CPLX4: variants seen among roughly 807,000 people sequenced by gnomAD.
CPLX4 encodes complexin 4.
A neutral mutation model predicts 16.1 loss-of-function variants in CPLX4; 17 were observed. The ratio of observed to expected loss-of-function variants is 1.06; its 90% confidence interval spans 0.72 to 1.59. The LOEUF (loss-of-function observed/expected upper bound fraction) is 1.59, where lower values mean the gene tolerates loss of function less well. Among genes scored for constraint, CPLX4 ranks in the 40% most tolerant of loss-of-function variants. The pLI is 0.00. For synonymous variants in CPLX4, 55 were observed against 57.8 expected, an observed-to-expected ratio of 0.95 and a Z score of 0.22; for missense variants, 193 against 192.9, an observed-to-expected ratio of 1.00 and a Z score of 0.00.
rs1259015608 is a variant in CPLX4, at chr18:59,309,089, G to A, written c.255+3596C>T. 5.3e-5 allele frequency among the ~76,000 whole-genome samples: 8 copies of A among 152,218 alleles called. No homozygotes were observed. In the East Asian group the frequency reaches 1.5e-3, roughly 29 times the overall value. ...TGCTCCTTGCAGAGCAGGGCAGTCT[G>A]CCCAGAGTAGCCGATTTTTCTTATC... On this transcript the variant is annotated intron_variant, in intron 2 of 2. Coordinates refer to ENST00000299721, the MANE Select transcript of CPLX4 (RefSeq NM_181654.4).
At position 59,299,824 on chromosome 18, in the gene CPLX4, G is replaced by A. The variant is rs2070527840; in HGVS notation, c.256-2899C>T. On this transcript the variant is annotated intron_variant, in intron 2 of 2. Transcript: ENST00000299721. ...CATCTTTTGGGACTTTGCTAGAGAT[G>A]CACGTGCTGGGACCCTACTCAGACC... 3.3e-5 allele frequency among the ~76,000 whole-genome samples: 5 copies of A among 152,208 alleles called. 1 individual carries two copies. The South Asian group carries it at 1.0e-3, about 32-fold the overall frequency.
At chr18:59,305,632 G>C (rs2070571631) in intron 2 of CPLX4, among the ~76,000 whole-genome samples, 1 of 152,200 alleles carries the variant, frequency 6.6e-6, no homozygotes, top group South Asian at 2.1e-4. Flanking sequence ...CAGGTTTATG[G>C]GGAGAATGAG....
At chr18:59,297,889 T>C (rs1366123138) in intron 2 of CPLX4, among the ~76,000 whole-genome samples, 1 of 152,194 alleles carries the variant, frequency 6.6e-6, no homozygotes, top group Non-Finnish European at 1.5e-5. Context: ...CTTTCCACCG[T>C]TAGCACCTGG....
intron 1 of CPLX4, among the ~76,000 whole-genome samples, chr18:59,316,257 G>A (rs1397233862): frequency 4.6e-5 from 7 of 150,952 alleles, no homozygotes; most frequent in Non-Finnish European, 7.4e-5. Context: ...TGGTGCGTGC[G>A]CACACACACA....
At chr18:59,298,122 C>T (rs1202409439) in intron 2 of CPLX4, among the ~76,000 whole-genome samples, 2 of 151,000 alleles carry the variant, frequency 1.3e-5, no homozygotes, top group African/African-American at 4.9e-5. Context: ...CAGGGTCTCT[C>T]TCTTTCACCG....
At chr18:59,310,305 T>C (rs2070608394) in intron 2 of CPLX4, among the ~76,000 whole-genome samples, 1 of 152,180 alleles carries the variant, frequency 6.6e-6, no homozygotes, top group Non-Finnish European at 1.5e-5. Context: ...CCTGGATTTG[T>C]GCATTTCATG....
intron 2 of CPLX4, among the ~76,000 whole-genome samples, chr18:59,308,509 T>TC (rs1215133520): frequency 4.0e-5 from 6 of 149,390 alleles, no homozygotes; most frequent in East Asian, 2.0e-4. Flanking sequence ...TGTTTTGTTT[T>TC]CCCCCCCATC....
chr18:59,305,877 A>G (rs1408542717), intron 2 of CPLX4, among the ~76,000 whole-genome samples: 1 of 152,208 alleles, frequency 6.6e-6, no homozygotes. Context: ...TTGCAGGCAG[A>G]CAGAGAAAGA....
intron 2 of CPLX4, among the ~76,000 whole-genome samples, chr18:59,306,503 T>C (rs940550635): frequency 6.6e-6 from 1 of 152,222 alleles, no homozygotes. Context: ...CAAATAGTAT[T>C]GTCACTAACA....
intron 2 of CPLX4, among the ~76,000 whole-genome samples, chr18:59,308,902 G>A (rs2070596799): frequency 6.6e-6 from 1 of 152,242 alleles, no homozygotes; most frequent in Admixed American, 6.5e-5. Flanking sequence ...CGTGCGACAA[G>A]TGACAGCGCG....
rs2070497030 is a variant in CPLX4 at position 59,295,956 on chromosome 18, C to T, written c.*742G>A. ...TTCAGACAAGGAGAGTTAAGCTCAA[C>T]TCAAAAAGAGCAGCCGTCTGCCTGG... On this transcript the variant is annotated 3_prime_UTR_variant, in exon 3 of 3. Transcript: ENST00000299721. 6.6e-6 allele frequency: 1 copy of T among 152,252 alleles called. No individual in the cohort carries two copies. The highest frequency in any genetic ancestry group is 1.5e-5 in the Non-Finnish European group (1 of 68,070). The allele number at this position is 152,252 out of a possible 1,614,324, so 9.4% of individuals were successfully genotyped here.
rs1297681550 is a variant in CPLX4, at chr18:59,312,744, T to C, written c.196A>G (p.Lys66Glu). 1 of 1,448,248 alleles carries C rather than the reference T, an allele frequency of 6.9e-7. No individual in the cohort carries two copies. The allele number at this position is 1,448,248 out of a possible 1,614,324, so 89.7% of individuals were successfully genotyped here. The change falls in exon 2 of 3, where the codon AAA (lysine) becomes GAA (glutamate). Residue 66 changes from lysine (K) to glutamate (E), a missense_variant. Physicochemically the swap from Lys to Glu is moderately conservative, Grantham distance 56. Transcript: ENST00000299721. ...KMERDAAFTQ[K>E]KAERACLRVH... ...CTGAGGCATGCCCTTTCTGCCTTTT[T>C]CTGTGTAAATGCAGCATCTCTTTCC...
intron 2 of CPLX4, among the ~76,000 whole-genome samples, chr18:59,299,698 T>C (rs1057437255): frequency 1.3e-5 from 2 of 152,196 alleles, no homozygotes; most frequent in African/African-American, 4.8e-5. Context: ...AGCAGTGCAA[T>C]TCTACGTTGC....
intron 2 of CPLX4, among the ~76,000 whole-genome samples, chr18:59,303,071 T>C (rs750804566): frequency 4.8e-4 from 73 of 152,186 alleles, no homozygotes; most frequent in Non-Finnish European, 8.5e-4. Flanking sequence ...CTTGTCTTCA[T>C]AAACCACTCT....
chr18:59,310,802 C>G (rs1266766287), intron 2 of CPLX4, among the ~76,000 whole-genome samples: 1 of 151,956 alleles, frequency 6.6e-6, no homozygotes, highest in African/African-American at 2.4e-5. Context: ...TTAAGAGACT[C>G]AGATATTTTT....
At chr18:59,315,936 A>G (rs1261876632) in intron 1 of CPLX4, among the ~76,000 whole-genome samples, 1 of 152,226 alleles carries the variant, frequency 6.6e-6, no homozygotes, top group Non-Finnish European at 1.5e-5. Flanking sequence ...TGCTCTGTTT[A>G]TAGTCACATG....
At chr18:59,300,020 T>A (rs2070529271) in intron 2 of CPLX4, among the ~76,000 whole-genome samples, 1 of 152,214 alleles carries the variant, frequency 6.6e-6, no homozygotes, top group Admixed American at 6.5e-5. Flanking sequence ...TTCTGGCATG[T>A]AGACACAGAC....
intron 2 of CPLX4, among the ~76,000 whole-genome samples, chr18:59,305,666 G>A (rs1330693873): frequency 6.6e-6 from 1 of 152,130 alleles, no homozygotes; most frequent in Non-Finnish European, 1.5e-5. Flanking sequence ...GATATGAGCT[G>A]GTTCTACCTG....
intron 1 of CPLX4, among the ~76,000 whole-genome samples, chr18:59,314,840 T>C (rs573697552): frequency 1.3e-5 from 2 of 152,360 alleles, no homozygotes; most frequent in Admixed American, 6.5e-5. Flanking sequence ...TAGTAGCTGG[T>C]TCCTTTTTAT....
Sources: gnomAD v4.1 joint callset for allele counts (sites outside exome capture counted in the v4.1 genomes callset) on GRCh38, gnomAD v4.1.1 for gene constraint, MANE v1.5 for transcripts, NCBI Gene and HGNC (gene_info 2026-07-23, HGNC 2026-07-21) for gene names.